The following BBS9 variants were observed in gnomAD, a reference collection of about 807,000 sequenced individuals.
BBS9 encodes protein PTHB1.
Under a neutral mutation model 117.7 loss-of-function variants are expected in BBS9, and 89 were observed. The observed-to-expected ratio is 0.76, with a 90% CI of 0.64 to 0.90. BBS9 has a LOEUF of 0.90. Among genes scored for constraint, BBS9 ranks in the 40% least tolerant of loss-of-function variants. The probability of loss-of-function intolerance (pLI) is 0.00; values close to 1 mark genes in which losing one functional copy is unlikely to be tolerated. For synonymous variants in BBS9, 379 were observed against 370.9 expected (o/e 1.02, Z -0.25); for missense variants, 982 against 1,042.2 (o/e 0.94, Z 0.80).
At chr7:33,199,905 A>C (rs1420736632) in intron 5 of BBS9, among the ~76,000 whole-genome samples, 1 of 152,004 alleles carries the variant, frequency 6.6e-6, no homozygotes, top group Non-Finnish European at 1.5e-5. Flanking sequence ...AATAACTTTT[A>C]ACCATGTGTA....
intron 19 of BBS9, among the ~76,000 whole-genome samples, chr7:33,440,050 T>C (rs1303975293): frequency 6.6e-6 from 1 of 152,170 alleles, no homozygotes. Flanking sequence ...TGCAGTGTGA[T>C]GCAAAAAGGC....
At position 33,273,134 on chromosome 7, in the gene BBS9, A is replaced by G; in HGVS notation, c.825A>G (p.Gly275=). 1 of 1,613,706 alleles carries G rather than the reference A, an allele frequency of 6.2e-7. No individual in the cohort carries two copies. Among genetic ancestry groups the G allele is most frequent in the Non-Finnish European group, 8.5e-7 (1 of 1,179,784 alleles). The stretch of plus-strand genomic sequence containing the variant: ...ACTTTTTTTGCCTTAAGGATAATGG[A>G]CAAATTCGATTCATGAAGAAGCTTG... ...ERNFFCLKDN[G]QIRFMKKLDW... The change falls in exon 8 of 23, where the codon GGA becomes GGG. Residue 275 remains glycine, a synonymous_variant. Coordinates refer to ENST00000242067, the MANE Select transcript of BBS9 (RefSeq NM_198428.3).
At chr7:33,217,274 T>C (rs1789264521) in intron 5 of BBS9, among the ~76,000 whole-genome samples, 1 of 151,982 alleles carries the variant, frequency 6.6e-6, no homozygotes, top group African/African-American at 2.4e-5. Flanking sequence ...TTTTCTCATA[T>C]GTTGATGTAT....
intron 20 of BBS9, among the ~76,000 whole-genome samples, chr7:33,518,492 G>A (rs933436491): frequency 3.3e-5 from 5 of 151,444 alleles, no homozygotes; most frequent in African/African-American, 7.3e-5. Flanking sequence ...CTTGTGATCC[G>A]CCCGCCTCGG....
At chr7:33,497,218 T>C (rs1844850275) in intron 19 of BBS9, among the ~76,000 whole-genome samples, 2 of 152,210 alleles carry the variant, frequency 1.3e-5, no homozygotes, top group African/African-American at 2.4e-5. Context: ...ACAGATATAT[T>C]GAAGTAGGTC....
At chr7:33,478,296 G>C (rs555103781) in intron 19 of BBS9, among the ~76,000 whole-genome samples, 1 of 152,264 alleles carries the variant, frequency 6.6e-6, no homozygotes, top group East Asian at 1.9e-4. Flanking sequence ...ACCAACACCT[G>C]GGGCCCATTC....
At chr7:33,224,413 T>C (rs1051464848) in intron 5 of BBS9, among the ~76,000 whole-genome samples, 4 of 152,208 alleles carry the variant, frequency 2.6e-5, no homozygotes, top group Admixed American at 6.5e-5. Context: ...TAATTGCAAA[T>C]AATAATTTGA....
At chr7:33,290,590 G>A (rs1403515070) in intron 9 of BBS9, among the ~76,000 whole-genome samples, 1 of 152,154 alleles carries the variant, frequency 6.6e-6, no homozygotes, top group Non-Finnish European at 1.5e-5. Context: ...ACTTTTTACA[G>A]AGTTTTATTA....
intron 9 of BBS9, among the ~76,000 whole-genome samples, chr7:33,335,986 T>G (rs146581762): frequency 0.01 from 1,582 of 152,184 alleles, 29 homozygotes; most frequent in African/African-American, 0.036. Context: ...TGGTTTTCTG[T>G]CCCCTGGGTT....
At chr7:33,326,303 C>T (rs1812830209) in intron 9 of BBS9, among the ~76,000 whole-genome samples, 1 of 147,734 alleles carries the variant, frequency 6.8e-6, no homozygotes, top group Non-Finnish European at 1.5e-5. Context: ...GCAGTGAGTA[C>T]TATCTGGCTA....
At chr7:33,307,712 A>AT (rs1197343836) in intron 9 of BBS9, among the ~76,000 whole-genome samples, 2 of 151,732 alleles carry the variant, frequency 1.3e-5, no homozygotes, top group East Asian at 3.9e-4. Context: ...GTTATACTGT[A>AT]TTTTTTAGGG....
intron 5 of BBS9, among the ~76,000 whole-genome samples, chr7:33,230,921 T>C (rs1792250116): frequency 6.6e-6 from 1 of 152,150 alleles, no homozygotes. Flanking sequence ...CTTATTTTCC[T>C]TCGGGTAGAT....
chr7:33,635,358 G>A (rs1866094120), exon 22 of BBS9, among the ~76,000 whole-genome samples: 2 of 152,288 alleles, frequency 1.3e-5, no homozygotes, highest in South Asian at 4.1e-4. Flanking sequence ...TCTGTGATGC[G>A]AGGAACACAG....
intron 21 of BBS9, among the ~76,000 whole-genome samples, chr7:33,581,443 C>G (rs544380380): frequency 6.6e-6 from 1 of 152,218 alleles, no homozygotes; most frequent in African/African-American, 2.4e-5. Context: ...TGTTTTATAG[C>G]CTGTCTAGCT....
chr7:33,344,078 G>GTTTTTTTTTTTTTT (rs34530007), intron 11 of BBS9, among the ~76,000 whole-genome samples: 2 of 67,466 alleles, frequency 3.0e-5, no homozygotes, highest in Non-Finnish European at 5.1e-5. Flanking sequence ...TAGGGGATGA[G>GTTTTTTTTTTTTTT]TTTTTTTTTT....
At chr7:33,227,886 C>G (rs1791600375) in intron 5 of BBS9, among the ~76,000 whole-genome samples, 1 of 152,046 alleles carries the variant, frequency 6.6e-6, no homozygotes, top group South Asian at 2.1e-4. Flanking sequence ...GATTCTATAT[C>G]TTTGCAATTG....
At chr7:33,395,167 T>G (rs757683115) in intron 19 of BBS9, among the ~76,000 whole-genome samples, 70 of 152,114 alleles carry the variant, frequency 4.6e-4, no homozygotes, top group Non-Finnish European at 7.6e-4. Context: ...ATTAGACAGG[T>G]AACAAAATCT....
At chr7:33,587,160 G>T (rs1181620975) in intron 21 of BBS9, among the ~76,000 whole-genome samples, 1 of 152,088 alleles carries the variant, frequency 6.6e-6, no homozygotes, top group Non-Finnish European at 1.5e-5. Flanking sequence ...CAATGGAACA[G>T]CTCTCTCAGC....
intron 5 of BBS9, among the ~76,000 whole-genome samples, chr7:33,246,751 A>G (rs962882972): frequency 6.6e-6 from 1 of 152,138 alleles, no homozygotes. Context: ...ATCCTGTAAG[A>G]AAATATCAAT....
Sources: gnomAD v4.1 joint callset for allele counts (sites outside exome capture counted in the v4.1 genomes callset) on GRCh38, gnomAD v4.1.1 for gene constraint, MANE v1.5 for transcripts, NCBI Gene and HGNC (gene_info 2026-07-23, HGNC 2026-07-21) for gene names.